CSMD3: variants seen among roughly 807,000 people sequenced by gnomAD.
The protein encoded by CSMD3 is CUB and sushi domain-containing protein 3.
Under a neutral mutation model 435.2 loss-of-function variants are expected in CSMD3, and 177 were observed. The ratio of observed to expected loss-of-function variants is 0.41; its 90% CI spans 0.36 to 0.46. The LOEUF (loss-of-function observed/expected upper bound fraction) is 0.46, where lower values mean the gene tolerates loss of function less well. Ranked by LOEUF, CSMD3 falls within the 20% of genes least tolerant of loss-of-function variation. The pLI is 0.34. For synonymous variants in CSMD3, 1,656 were observed against 1,520.5 expected (o/e 1.09, Z -2.07); for missense variants, 4,265 against 4,504.6 (o/e 0.95, Z 1.52).
chr8:113,157,849 C>A, intron 4 of CSMD3, among the ~76,000 whole-genome samples: 1 of 152,000 alleles, frequency 6.6e-6, no homozygotes, highest in East Asian at 1.9e-4. Context: ...GCAAAGAAAT[C>A]AAATTTATGC....
chr8:113,302,239 A>ATT (rs1204287952), intron 2 of CSMD3, among the ~76,000 whole-genome samples: 1 of 108,828 alleles, frequency 9.2e-6, no homozygotes, highest in East Asian at 2.8e-4. Context: ...TATAATATAT[A>ATT]ATATAATATA....
chr8:112,560,367 T>G, intron 24 of CSMD3, among the ~76,000 whole-genome samples: 1 of 151,654 alleles, frequency 6.6e-6, no homozygotes, highest in East Asian at 1.9e-4. Flanking sequence ...TTTTTTCCCC[T>G]CCCTCTTTCT....
intron 4 of CSMD3, among the ~76,000 whole-genome samples, chr8:113,146,806 C>T (rs561266915): frequency 6.6e-6 from 1 of 151,570 alleles, no homozygotes; most frequent in African/African-American, 2.4e-5. Flanking sequence ...AATTATAAAG[C>T]ATTAGGAATA....
intron 38 of CSMD3, among the ~76,000 whole-genome samples, chr8:112,359,277 A>T (rs1826942575): frequency 6.6e-6 from 1 of 152,180 alleles, no homozygotes; most frequent in African/African-American, 2.4e-5. Flanking sequence ...GTATTCCTTC[A>T]TTCCTGTGCC....
At chr8:113,067,376 C>T (rs1242844991) in intron 5 of CSMD3, among the ~76,000 whole-genome samples, 1 of 152,066 alleles carries the variant, frequency 6.6e-6, no homozygotes, top group Admixed American at 6.5e-5. Context: ...AATTATCAAT[C>T]CTACTGAGAG....
chr8:113,372,021 C>T (rs191888009), intron 1 of CSMD3, among the ~76,000 whole-genome samples: 72 of 152,144 alleles, frequency 4.7e-4, no homozygotes, highest in Middle Eastern at 6.8e-3. Flanking sequence ...CCTACAGTTC[C>T]ACACTAGTTA....
chr8:113,291,893 T>C (rs2093688910), intron 2 of CSMD3, among the ~76,000 whole-genome samples: 1 of 151,650 alleles, frequency 6.6e-6, no homozygotes, highest in Admixed American at 6.6e-5. Context: ...AGTAACTTCC[T>C]TGATAGATTT....
intron 1 of CSMD3, among the ~76,000 whole-genome samples, chr8:113,343,910 G>A (rs1415793057): frequency 6.6e-6 from 1 of 151,920 alleles, no homozygotes; most frequent in Non-Finnish European, 1.5e-5. Flanking sequence ...TTATAATTCA[G>A]AAAACAAACA....
At chr8:112,818,911 A>AT (rs1266333794) in intron 12 of CSMD3, among the ~76,000 whole-genome samples, 1 of 152,218 alleles carries the variant, frequency 6.6e-6, no homozygotes, top group African/African-American at 2.4e-5. Context: ...ATGAGCTTGT[A>AT]TTTATTGTGT....
intron 57 of CSMD3, among the ~76,000 whole-genome samples, chr8:112,288,982 A>G (rs1819497387): frequency 6.6e-6 from 1 of 152,114 alleles, no homozygotes; most frequent in Non-Finnish European, 1.5e-5. Flanking sequence ...ACAGAAAACC[A>G]CTGATACAAT....
At chr8:112,577,833 T>A (rs1168576227) in intron 23 of CSMD3, among the ~76,000 whole-genome samples, 1 of 152,124 alleles carries the variant, frequency 6.6e-6, no homozygotes, top group East Asian at 1.9e-4. Flanking sequence ...GTGAATGATA[T>A]GATAAATATA....
chr8:112,321,090 G>A (rs1822959655), intron 45 of CSMD3, among the ~76,000 whole-genome samples: 2 of 151,590 alleles, frequency 1.3e-5, no homozygotes, highest in South Asian at 4.2e-4. Flanking sequence ...TTCCCTTAAA[G>A]TCTTCTAAAA....
At chr8:113,389,557 G>A (rs1276519619) in intron 1 of CSMD3, among the ~76,000 whole-genome samples, 1 of 151,646 alleles carries the variant, frequency 6.6e-6, no homozygotes, top group Non-Finnish European at 1.5e-5. Context: ...AATCTCTGGG[G>A]TAGAAATTTA....
At chr8:112,410,690 A>ATATATATGTGTATATATATATATG (rs1563913576) in intron 32 of CSMD3, among the ~76,000 whole-genome samples, 1 of 112,580 alleles carries the variant, frequency 8.9e-6, no homozygotes, top group Non-Finnish European at 1.9e-5. Flanking sequence ...ATATATATGT[A>ATATATATGTGTATATATATATATG]TATATATATG....
chr8:113,334,469 G>C (rs1205768985), intron 1 of CSMD3, among the ~76,000 whole-genome samples: 2 of 151,566 alleles, frequency 1.3e-5, no homozygotes, highest in African/African-American at 2.4e-5. Flanking sequence ...ATATATTGTT[G>C]AGTTCTACTT....
intron 28 of CSMD3, among the ~76,000 whole-genome samples, chr8:112,513,001 T>C (rs1170075216): frequency 6.6e-6 from 1 of 152,212 alleles, no homozygotes. Context: ...CACCCATCTA[T>C]GTCTTTATAG....
At chr8:112,869,764 C>T (rs1276638315) in intron 10 of CSMD3, among the ~76,000 whole-genome samples, 1 of 152,188 alleles carries the variant, frequency 6.6e-6, no homozygotes, top group Non-Finnish European at 1.5e-5. Context: ...CCATAATTCT[C>T]AGCAAACTAA....
At chr8:112,494,605 C>T (rs1563615996) in intron 30 of CSMD3, among the ~76,000 whole-genome samples, 1 of 148,992 alleles carries the variant, frequency 6.7e-6, no homozygotes, top group African/African-American at 2.5e-5. Flanking sequence ...TACTTAAAGG[C>T]TCACTACCCT....
At chr8:112,434,350 T>C (rs1345043422) in intron 32 of CSMD3, among the ~76,000 whole-genome samples, 1 of 152,164 alleles carries the variant, frequency 6.6e-6, no homozygotes, top group Non-Finnish European at 1.5e-5. Context: ...TTATACCAAA[T>C]TGGTTGTTTG....
Sources: allele counts gnomAD v4.1 joint callset (sites outside exome capture counted in the v4.1 genomes callset), GRCh38; gene constraint gnomAD v4.1.1; transcripts MANE v1.5; gene names NCBI Gene and HGNC (gene_info 2026-07-23, HGNC 2026-07-21).